The following MMRN1 variants were observed in gnomAD, a reference collection of about 807,000 sequenced individuals.
MMRN1 encodes the protein multimerin 1, also known as multimerin-1.
In MMRN1, 94 loss-of-function variants were observed where a neutral mutation model predicts 100.7. That is an observed-to-expected ratio of 0.93 (90% confidence interval 0.79 to 1.11). The LOEUF is 1.11. Ranked by LOEUF, MMRN1 falls within the 50% of genes least tolerant of loss-of-function variation. The probability of loss-of-function intolerance (pLI) is 0.00; values close to 1 mark genes in which losing one functional copy is unlikely to be tolerated. For synonymous variants in MMRN1, 575 were observed against 505.0 expected, an observed-to-expected ratio of 1.14 and a Z score of -1.86; for missense variants, 1,606 against 1,439.1, an observed-to-expected ratio of 1.12 and a Z score of -1.88.
At chr4:89,951,270 G>A (rs1231568286) in intron 6 of MMRN1, among the ~76,000 whole-genome samples, 1 of 152,096 alleles carries the variant, frequency 6.6e-6, no homozygotes, top group Non-Finnish European at 1.5e-5. Flanking sequence ...GTGATTTAAA[G>A]CATTACCTTT....
intron 6 of MMRN1, among the ~76,000 whole-genome samples, chr4:89,938,476 CATATATATAT>C (rs372673572): frequency 0.31 from 38,283 of 123,540 alleles, 6,473 homozygotes; most frequent in Non-Finnish European, 0.4. Flanking sequence ...ATTTTTTAAA[CATATATATAT>C]ATATATATAT....
At chr4:89,938,254 C>T (rs1316668764) in intron 6 of MMRN1, among the ~76,000 whole-genome samples, 2 of 151,376 alleles carry the variant, frequency 1.3e-5, no homozygotes, top group Non-Finnish European at 2.9e-5. Flanking sequence ...AATTTTACTT[C>T]TGTAGGAACA....
chr4:89,895,430 A>T lies in MMRN1; in HGVS notation c.459A>T (p.Ala153=). Residue 153 remains alanine, a synonymous_variant, in exon 1 of 8, where the codon GCA becomes GCT. Coordinates refer to ENST00000264790, the MANE Select transcript of MMRN1 (RefSeq NM_007351.3). The part of the protein sequence containing the change: ...QSFARKSNEQ[A]TSLNTVGGTG... ...TTGCCAGAAAGTCAAATGAACAAGC[A>T]ACTTCTCTAAACACAGTTGGAGGCA... 6.2e-7 allele frequency: 1 copy of T among 1,613,870 alleles called. No individual in the cohort carries two copies. Among genetic ancestry groups the T allele is most frequent in the East Asian group, 2.2e-5 (1 of 44,792 alleles).
intron 1 of MMRN1, 23 bp from the exon 2 acceptor site, chr4:89,909,253 C>T: frequency 1.3e-6 from 2 of 1,554,806 alleles, no homozygotes; most frequent in Non-Finnish European, 1.7e-6. Context: ...AGTTTTTTCC[C>T]TAACAATTAT....
At chr4:89,886,654 A>AT (rs1720942874) in intron 1 of MMRN1, among the ~76,000 whole-genome samples, 2 of 152,130 alleles carry the variant, frequency 1.3e-5, no homozygotes, top group African/African-American at 4.8e-5. Flanking sequence ...ATGATATTAG[A>AT]TTTATCCATT....
At chr4:89,915,125 TATATAAG>T (rs1418845812) in intron 3 of MMRN1, among the ~76,000 whole-genome samples, 1 of 151,546 alleles carries the variant, frequency 6.6e-6, no homozygotes, top group Admixed American at 6.6e-5. Flanking sequence ...TGCAATAAAT[TATATAAG>T]AGCTACTGTA....
chr4:89,925,006 G>T (rs1174429582), intron 4 of MMRN1, among the ~76,000 whole-genome samples: 1 of 151,882 alleles, frequency 6.6e-6, no homozygotes, highest in Non-Finnish European at 1.5e-5. Context: ...TATCCTTTCG[G>T]TTACAAACAA....
intron 4 of MMRN1, among the ~76,000 whole-genome samples, chr4:89,926,434 A>G (rs1311183720): frequency 1.3e-5 from 2 of 152,164 alleles, no homozygotes; most frequent in Non-Finnish European, 2.9e-5. Context: ...CTTCTTTTGA[A>G]AAATGTATAT....
chr4:89,922,838 A>G (rs1722133230), intron 3 of MMRN1, among the ~76,000 whole-genome samples: 1 of 152,190 alleles, frequency 6.6e-6, no homozygotes, highest in South Asian at 2.1e-4. Context: ...CTTTTAACAC[A>G]GCGGATTTAA....
chr4:89,907,820 T>G (rs1191255708), intron 1 of MMRN1, among the ~76,000 whole-genome samples: 1 of 132,192 alleles, frequency 7.6e-6, no homozygotes, highest in East Asian at 2.9e-4. Flanking sequence ...ATGTCATGCC[T>G]GTTTTTTTGT....
Position 89,909,383 on chromosome 4 carries a change from C to G in MMRN1, c.731C>G (p.Ser244Cys). The G allele has an allele frequency of 6.2e-7, 1 of 1,609,390 alleles. No individual in the cohort carries two copies. Among genetic ancestry groups the G allele is most frequent in the Non-Finnish European group, 8.5e-7 (1 of 1,177,238 alleles). Reference protein sequence around the residue: ...GKGPCGWTGGSCPQRSQKISN... With the variant: ...GKGPCGWTGGCCPQRSQKISN... ...GGACCTTGTGGCTGGACCGGTGGAT[C>G]CTGTCCTCAGAGGTATGTAATATTT... Residue 244 changes from serine to cysteine, a missense_variant, in exon 2 of 8, where the codon TCC becomes TGC. By Grantham distance (112) the Ser-to-Cys change is moderately radical (BLOSUM62 -1). Transcript: ENST00000264790.
At chr4:89,888,782 A>C (rs1000384869) in intron 1 of MMRN1, among the ~76,000 whole-genome samples, 1 of 152,000 alleles carries the variant, frequency 6.6e-6, no homozygotes, top group African/African-American at 2.4e-5. Context: ...ATTTTCATTC[A>C]ACTTTTTAAA....
At position 89,953,210 on chromosome 4, in the gene MMRN1, G is replaced by C. The variant is rs1723239836; in HGVS notation, c.3479G>C (p.Gly1160Ala). 5 of 1,613,646 alleles carry C rather than the reference G, an allele frequency of 3.1e-6. No homozygotes were observed. The East Asian group carries it at 1.1e-4, about 36-fold the overall frequency. The change falls in exon 8 of 8, where the codon GGA becomes GCA. Residue 1160 changes from glycine (G) to alanine (A), a missense_variant. Transcript: ENST00000264790. ...GAGTCATTTAGTGCTCATATTTCTG[G>C]ATTTTTAGTGGTTGATGGAATAGAC... ...TIESFSAHIS[G>A]FLVVDGIDKL...
Position 89,920,413 on chromosome 4 carries a change from A to C in MMRN1, c.851-2755A>C, listed in dbSNP as rs190375145. On this transcript the variant is annotated intron_variant, in intron 3 of 7. Transcript: ENST00000264790. The stretch of plus-strand genomic sequence containing the variant: ...TGTGAAGGCAGCACAAACACTCTTC[A>C]TATGTTTCCATGCTTAACAGTGCCT... 3.5e-4 allele frequency among the ~76,000 whole-genome samples: 54 copies of C among 152,256 alleles called. No homozygotes were observed. In the Middle Eastern group the frequency reaches 0.01, roughly 29 times the overall value.
chr4:89,900,949 G>T (rs1222046516), intron 1 of MMRN1, among the ~76,000 whole-genome samples: 1 of 151,976 alleles, frequency 6.6e-6, no homozygotes, highest in Non-Finnish European at 1.5e-5. Flanking sequence ...TAAAAGTGTG[G>T]TGTCATAGAG....
intron 6 of MMRN1, among the ~76,000 whole-genome samples, chr4:89,938,741 A>G (rs892261261): frequency 2.6e-5 from 4 of 151,876 alleles, no homozygotes; most frequent in African/African-American, 4.8e-5. Flanking sequence ...TTATTTTCCA[A>G]TAAGGCTTTG....
At chr4:89,926,116 A>G (rs1722250501) in intron 4 of MMRN1, among the ~76,000 whole-genome samples, 1 of 152,128 alleles carries the variant, frequency 6.6e-6, no homozygotes, top group Admixed American at 6.6e-5. Context: ...TTGGATATAC[A>G]GATTTCCTTT....
chr4:89,925,532 A>T (rs1365585617), intron 4 of MMRN1, among the ~76,000 whole-genome samples: 1 of 149,796 alleles, frequency 6.7e-6, no homozygotes, highest in African/African-American at 2.4e-5. Flanking sequence ...TTTTTAATTA[A>T]AAATTTAAGT....
intron 4 of MMRN1, among the ~76,000 whole-genome samples, chr4:89,926,439 G>A (rs1245089035): frequency 6.6e-6 from 1 of 152,144 alleles, no homozygotes; most frequent in Admixed American, 6.5e-5. Context: ...TTTGAAAAAT[G>A]TATATTCAAA....
Sources: gnomAD v4.1 joint callset for allele counts (sites outside exome capture counted in the v4.1 genomes callset) on GRCh38, gnomAD v4.1.1 for gene constraint, MANE v1.5 for transcripts, NCBI Gene and HGNC (gene_info 2026-07-23, HGNC 2026-07-21) for gene names.